The following TRIM33 variants were observed in gnomAD, a reference collection of about 807,000 sequenced individuals.
The protein encoded by TRIM33 is E3 ubiquitin-protein ligase TRIM33.
TRIM33 carries 20 observed loss-of-function variants against 125.4 expected under a neutral mutation model. The observed-to-expected ratio is 0.16, with a 90% CI of 0.11 to 0.23. The LOEUF (loss-of-function observed/expected upper bound fraction) is 0.23. TRIM33 is among the 10% of genes least tolerant of loss of function. The pLI, the probability that TRIM33 is intolerant of heterozygous loss-of-function variation, is 1.00. For missense variants in TRIM33, 920 were observed against 1,411.4 expected (o/e 0.65, Z 5.58); for synonymous variants, 564 against 513.9 (o/e 1.10, Z -1.32).
chr1:114,449,183 C>A (rs1178163509), intron 4 of TRIM33, among the ~76,000 whole-genome samples: 1 of 151,712 alleles, frequency 6.6e-6, no homozygotes, highest in Non-Finnish European at 1.5e-5. Flanking sequence ...AGTAAAAAGA[C>A]GTATCTCATA....
chr1:114,427,814 A>G lies in TRIM33; in HGVS notation c.1236T>C (p.Val412=), dbSNP rs758317870. 35 of 1,614,040 alleles carry G rather than the reference A, an allele frequency of 2.2e-5. No individual in the cohort carries two copies. The East Asian group carries it at 7.8e-4, about 36-fold the overall frequency. Residue 412 remains valine, a synonymous_variant, in exon 7 of 20, where the codon GTT becomes GTC. Coordinates refer to ENST00000358465, the MANE Select transcript of TRIM33 (RefSeq NM_015906.4). ...ITGLSRQVKH[V]MNFTNWAIAS... is the part of the protein sequence containing the mutation. ...CAATTGCCCAATTTGTGAAGTTCATAACATGCTTCACCTGCCGGGAAAGGC... is the reference window on the plus strand; with the variant it reads ...CAATTGCCCAATTTGTGAAGTTCATGACATGCTTCACCTGCCGGGAAAGGC...
intron 1 of TRIM33, among the ~76,000 whole-genome samples, chr1:114,488,920 A>G (rs920701035): frequency 2.0e-5 from 3 of 152,208 alleles, no homozygotes; most frequent in African/African-American, 7.2e-5. Context: ...GTGGTGTGAG[A>G]CACGCATCTG....
At position 114,437,339 on chromosome 1, in the gene TRIM33, G is replaced by GTATT. The variant is rs1001564780; in HGVS notation, c.924-3610_924-3607dup. Among the ~76,000 whole-genome samples, 8 of 152,168 alleles carry GTATT rather than the reference G, an allele frequency of 5.3e-5. 1 individual carries two copies. The highest frequency in any genetic ancestry group is 2.1e-4 in the South Asian group (1 of 4,814). ...GATTTTAATCTTGCATTTTAAAGTAGTATTTATTTATTTATTTAGAGACGG... is the reference window on the plus strand; with the variant it reads ...GATTTTAATCTTGCATTTTAAAGTAGTATTTATTTATTTATTTATTTAGAGACGG... On this transcript the variant is annotated intron_variant, in intron 4 of 19. Transcript: ENST00000358465.
intron 1 of TRIM33, among the ~76,000 whole-genome samples, chr1:114,504,733 T>A (rs1040619097): frequency 6.6e-6 from 1 of 152,208 alleles, no homozygotes; most frequent in Admixed American, 6.5e-5. Flanking sequence ...GTCCCCTAAC[T>A]AGGGCTTTTG....
chr1:114,480,701 T>C (rs1293915174), intron 1 of TRIM33, among the ~76,000 whole-genome samples: 4 of 152,110 alleles, frequency 2.6e-5, no homozygotes, highest in Non-Finnish European at 5.9e-5. Flanking sequence ...AATCCAACTA[T>C]ATCACTGAGT....
intron 6 of TRIM33, among the ~76,000 whole-genome samples, chr1:114,429,886 A>T (rs1475480531): frequency 6.6e-6 from 1 of 152,172 alleles, no homozygotes; most frequent in East Asian, 1.9e-4. Flanking sequence ...TTTGCTAAAA[A>T]TAAATCAAAT....
At chr1:114,446,144 CT>C (rs1207720584) in intron 4 of TRIM33, among the ~76,000 whole-genome samples, 4 of 152,186 alleles carry the variant, frequency 2.6e-5, no homozygotes, top group Admixed American at 6.5e-5. Flanking sequence ...GAGTGAGCCA[CT>C]GTGCCCAGCT....
rs180762175 is a variant in TRIM33, at chr1:114,435,322, G to A, written c.924-1589C>T. Among the ~76,000 whole-genome samples, 361 of 152,320 alleles carry A rather than the reference G, an allele frequency of 2.4e-3. 2 individuals are homozygous for A. The highest frequency in any genetic ancestry group is 8.2e-3 in the African/African-American group (340 of 41,562). Reference sequence around the variant, plus strand: ...TCAGTGAGATCAGCAGATTTGAGAGGTTATGTGTCAGTTATGGCAAGGTCC... The same window carrying A: ...TCAGTGAGATCAGCAGATTTGAGAGATTATGTGTCAGTTATGGCAAGGTCC... On this transcript the variant is annotated intron_variant, in intron 4 of 19. Transcript: ENST00000358465.
At chr1:114,403,609 C>T (rs1652044466) in intron 15 of TRIM33, among the ~76,000 whole-genome samples, 4 of 152,056 alleles carry the variant, frequency 2.6e-5, no homozygotes, top group Admixed American at 2.6e-4. Flanking sequence ...ACGATCCTGG[C>T]TCACTCCAAC....
intron 1 of TRIM33, among the ~76,000 whole-genome samples, chr1:114,506,317 A>G (rs1653001080): frequency 6.8e-6 from 1 of 147,556 alleles, no homozygotes; most frequent in Non-Finnish European, 1.5e-5. Flanking sequence ...CAGGAGGTGG[A>G]GGTTGCAGTG....
At chr1:114,468,034 G>A (rs187952466) in intron 1 of TRIM33, among the ~76,000 whole-genome samples, 101 of 152,316 alleles carry the variant, frequency 6.6e-4, no homozygotes, top group African/African-American at 2.2e-3. Context: ...AGACTGGAAT[G>A]AATTATCCAA....
chr1:114,455,337 A>G (rs1055780895), intron 4 of TRIM33, among the ~76,000 whole-genome samples: 7 of 152,230 alleles, frequency 4.6e-5, no homozygotes, highest in Non-Finnish European at 8.8e-5. Flanking sequence ...ATGATGGGAT[A>G]GTCAGGAGAT....
intron 2 of TRIM33, among the ~76,000 whole-genome samples, chr1:114,463,769 T>C (rs995332934): frequency 2.1e-5 from 3 of 145,664 alleles, no homozygotes; most frequent in African/African-American, 7.5e-5. Flanking sequence ...AGATTTGACT[T>C]TTTTTTTTTT....
intron 1 of TRIM33, among the ~76,000 whole-genome samples, chr1:114,465,241 CAT>C (rs1196268892): frequency 6.6e-6 from 1 of 152,172 alleles, no homozygotes; most frequent in Admixed American, 6.5e-5. Context: ...TGAGGTAACA[CAT>C]AGAGGCTAAA....
chr1:114,466,258 A>T (rs1650291744), intron 1 of TRIM33, among the ~76,000 whole-genome samples: 2 of 152,202 alleles, frequency 1.3e-5, no homozygotes, highest in Admixed American at 1.3e-4. Context: ...AAGATATGAG[A>T]GCAACTAACT....
intron 6 of TRIM33, among the ~76,000 whole-genome samples, chr1:114,429,905 G>A (rs1206137900): frequency 3.3e-5 from 5 of 152,006 alleles, no homozygotes; most frequent in African/African-American, 1.2e-4. Context: ...ATCGGCAGTG[G>A]AGACTTTGAT....
intron 1 of TRIM33, among the ~76,000 whole-genome samples, chr1:114,503,890 GA>G (rs1365189546): frequency 2.0e-5 from 3 of 152,042 alleles, no homozygotes; most frequent in African/African-American, 4.8e-5. Context: ...AGTTTTCTAT[GA>G]AAAAAAGCAA....
rs774510770 is a variant in TRIM33, at chr1:114,397,684, G to A, written c.3348C>T (p.Arg1116=). Residue 1116 remains arginine (R), a synonymous_variant, in exon 20 of 20, where the codon CGC becomes CGT. Transcript: ENST00000358465. ...GTACTGGTCTCTCATCTGACTTTAG[G>A]CGTTTTCTGCGGGGCTGTATAAAGT... ...DEDFIQPRRK[R]LKSDERPVHI... 1 of 1,609,428 alleles carries A rather than the reference G, an allele frequency of 6.2e-7. No homozygotes were observed. Among genetic ancestry groups the A allele is most frequent in the Non-Finnish European group, 8.5e-7 (1 of 1,178,890 alleles).
intron 11 of TRIM33, among the ~76,000 whole-genome samples, chr1:114,414,505 A>G (rs1652805638): frequency 6.6e-6 from 1 of 152,046 alleles, no homozygotes; most frequent in Admixed American, 6.6e-5. Context: ...CCTTTTTCCT[A>G]ATAAAATTTA....
Sources: gnomAD v4.1 joint callset for allele counts (sites outside exome capture counted in the v4.1 genomes callset) on GRCh38, gnomAD v4.1.1 for gene constraint, MANE v1.5 for transcripts, NCBI Gene and HGNC (gene_info 2026-07-23, HGNC 2026-07-21) for gene names.